Variants in ELMO1 observed in about 807,000 individuals in gnomAD.
ELMO1 encodes the protein engulfment and cell motility 1, also known as engulfment and cell motility protein 1.
ELMO1 carries 26 observed loss-of-function variants against 98.9 expected under a neutral mutation model. The ratio of observed to expected loss-of-function variants is 0.26; its 90% CI spans 0.19 to 0.36. The LOEUF (loss-of-function observed/expected upper bound fraction) is 0.36. ELMO1 is among the 10% of genes least tolerant of loss of function. The pLI is 1.00. For synonymous variants in ELMO1, 346 were observed against 346.0 expected, an observed-to-expected ratio of 1.00 and a Z score of 0.00; for missense variants, 627 against 935.2, an observed-to-expected ratio of 0.67 and a Z score of 4.30.
intron 16 of ELMO1, among the ~76,000 whole-genome samples, chr7:36,948,033 T>G (rs1787648366): frequency 6.6e-6 from 1 of 152,222 alleles, no homozygotes; most frequent in Non-Finnish European, 1.5e-5. Context: ...TTCTTTGACT[T>G]ATTATCCCCA....
intron 1 of ELMO1, among the ~76,000 whole-genome samples, chr7:37,380,988 A>AT (rs1181574880): frequency 1.3e-5 from 2 of 152,246 alleles, no homozygotes; most frequent in African/African-American, 4.8e-5. Context: ...AAAACGTGGC[A>AT]TTAAATAGAC....
chr7:37,357,498 A>T (rs1801538051), intron 1 of ELMO1, among the ~76,000 whole-genome samples: 1 of 152,202 alleles, frequency 6.6e-6, no homozygotes, highest in Non-Finnish European at 1.5e-5. Flanking sequence ...TTGTCTTATC[A>T]TGGCTCTAAA....
chr7:36,876,797 T>C (rs1014605054), intron 19 of ELMO1, among the ~76,000 whole-genome samples: 2 of 152,206 alleles, frequency 1.3e-5, no homozygotes, highest in Non-Finnish European at 2.9e-5. Context: ...CAGGGAGGCA[T>C]AGACAATGTC....
chr7:37,056,897 T>C (rs1357695467), intron 15 of ELMO1, among the ~76,000 whole-genome samples: 2 of 152,188 alleles, frequency 1.3e-5, no homozygotes, highest in Non-Finnish European at 2.9e-5. Context: ...CTGAATAGGT[T>C]CTCTCATCTG....
In ELMO1 at chr7:37,013,365, G is replaced by A. The variant is rs1433820095; in HGVS notation, c.1371C>T (p.Cys457=). 6.2e-7 allele frequency: 1 copy of A among 1,614,100 alleles called. No individual in the cohort carries two copies. Among genetic ancestry groups the A allele is most frequent in the Admixed American group, 1.7e-5 (1 of 60,012 alleles). ...THDRSFEEFF[C]ICIQLLNKTW... ...TCTTGTTCAGGAGCTGGATACAGAT[G>A]CAGAAAAACTCCTCAAAGGATCTGT... Residue 457 remains cysteine, a synonymous_variant, in exon 16 of 22, where the codon TGC becomes TGT. Transcript: ENST00000310758.
At chr7:37,379,800 T>C (rs1410596945) in intron 1 of ELMO1, among the ~76,000 whole-genome samples, 3 of 152,152 alleles carry the variant, frequency 2.0e-5, no homozygotes, top group South Asian at 2.1e-4. Context: ...ACCGCAACTC[T>C]GATTGGACAG....
chr7:37,193,081 G>A (rs184870296), intron 13 of ELMO1, among the ~76,000 whole-genome samples: 2 of 150,750 alleles, frequency 1.3e-5, no homozygotes, highest in African/African-American at 4.9e-5. Context: ...CATTGCAGAT[G>A]TGTGCTCAGA....
chr7:37,114,780 T>C (rs1215098227), intron 14 of ELMO1, among the ~76,000 whole-genome samples: 4 of 151,856 alleles, frequency 2.6e-5, no homozygotes, highest in Non-Finnish European at 4.4e-5. Context: ...ATCAGTGAAA[T>C]TGAAAACTGG....
At chr7:37,033,766 C>A (rs910591089) in intron 15 of ELMO1, among the ~76,000 whole-genome samples, 3 of 152,218 alleles carry the variant, frequency 2.0e-5, no homozygotes, top group East Asian at 1.9e-4. Flanking sequence ...CAGAATTGAT[C>A]CCTAAAGAAC....
chr7:37,203,985 TGTCTTTA>T (rs1362844883), intron 13 of ELMO1: 1 of 429,374 alleles, frequency 2.3e-6, no homozygotes, highest in African/African-American at 2.0e-5. Context: ...CTGACACGTG[TGTCTTTA>T]GTCTGGCAGC....
chr7:37,350,890 G>C (rs1164777645), intron 1 of ELMO1, among the ~76,000 whole-genome samples: 1 of 152,194 alleles, frequency 6.6e-6, no homozygotes, highest in East Asian at 1.9e-4. Flanking sequence ...ACAGCCATCT[G>C]TAAGCCAAGG....
intron 16 of ELMO1, among the ~76,000 whole-genome samples, chr7:36,978,075 A>T (rs1267799259): frequency 1.3e-5 from 2 of 152,188 alleles, no homozygotes; most frequent in South Asian, 2.1e-4. Context: ...CATTCAGCAA[A>T]CATTGATTGT....
At chr7:37,024,683 T>C (rs535825293) in intron 15 of ELMO1, among the ~76,000 whole-genome samples, 3 of 152,328 alleles carry the variant, frequency 2.0e-5, no homozygotes, top group African/African-American at 4.8e-5. Flanking sequence ...AAAACTCATA[T>C]CTTGTAGAAT....
chr7:37,222,787 C>A, intron 9 of ELMO1, 94 bp from the exon 10 acceptor site: 1 of 1,114,808 alleles, frequency 9.0e-7, no homozygotes, highest in Non-Finnish European at 1.3e-6. Flanking sequence ...AATCAGCCCC[C>A]TCCCCCCAAA....
Position 37,166,758 on chromosome 7 carries a change from C to G in ELMO1, c.1087-33524G>C, listed in dbSNP as rs867169511. Among the ~76,000 whole-genome samples, 4 of 152,130 alleles carry G rather than the reference C, an allele frequency of 2.6e-5. No individual in the cohort carries two copies. In the East Asian group the frequency reaches 5.8e-4, roughly 22 times the overall value. Reference sequence around the variant, plus strand: ...TTGATGAGGAGAGCTTTACTTCCAACTATGTGGTCAATTTTGGAATAGGTG... The same window carrying G: ...TTGATGAGGAGAGCTTTACTTCCAAGTATGTGGTCAATTTTGGAATAGGTG... On this transcript the variant is annotated intron_variant, in intron 13 of 21. Coordinates refer to ENST00000310758, the MANE Select transcript of ELMO1 (RefSeq NM_014800.11).
At chr7:37,032,518 C>T (rs555690380) in intron 15 of ELMO1, among the ~76,000 whole-genome samples, 1 of 152,130 alleles carries the variant, frequency 6.6e-6, no homozygotes, top group Non-Finnish European at 1.5e-5. Flanking sequence ...GGGCTGGCAC[C>T]CAACGCTGGG....
intron 8 of ELMO1, among the ~76,000 whole-genome samples, chr7:37,232,061 C>T (rs553262368): frequency 6.6e-6 from 1 of 152,146 alleles, no homozygotes; most frequent in Non-Finnish European, 1.5e-5. Context: ...CCATGTTGGT[C>T]AAGCTGGTCT....
chr7:37,308,022 A>C (rs750491449), intron 4 of ELMO1, among the ~76,000 whole-genome samples: 14 of 152,206 alleles, frequency 9.2e-5, no homozygotes, highest in Non-Finnish European at 1.9e-4. Flanking sequence ...ATGAGGCAGG[A>C]GAATTGCTTG....
rs541055127 is a variant in ELMO1, at chr7:37,136,740, C to T, written c.1087-3506G>A. Among the ~76,000 whole-genome samples, 7 of 145,338 alleles carry T rather than the reference C, an allele frequency of 4.8e-5. No homozygotes were observed. The South Asian group carries it at 1.3e-3, about 27-fold the overall frequency. On this transcript the variant is annotated intron_variant, in intron 13 of 21. Transcript: ENST00000310758. Reference sequence around the variant, plus strand: ...CTAAAAGGAGCTCTAAATCTTGAAACAAATCCTCAAAAAAAAAAAGAAAAA... The same window carrying T: ...CTAAAAGGAGCTCTAAATCTTGAAATAAATCCTCAAAAAAAAAAAGAAAAA...
Sources: allele counts gnomAD v4.1 joint callset (sites outside exome capture counted in the v4.1 genomes callset), GRCh38; gene constraint gnomAD v4.1.1; transcripts MANE v1.5; gene names NCBI Gene and HGNC (gene_info 2026-07-23, HGNC 2026-07-21).